Variants in KLF15 observed in about 807,000 individuals in gnomAD.
The protein encoded by KLF15 is Krueppel-like factor 15.
A neutral mutation model predicts 24.6 loss-of-function variants in KLF15; 4 were observed. That is an observed-to-expected ratio of 0.16 (90% CI 0.08 to 0.37). The LOEUF (loss-of-function observed/expected upper bound fraction) is 0.37. Among genes scored for constraint, KLF15 ranks in the 10% least tolerant of loss-of-function variants. KLF15 has a pLI of 1.00. For synonymous variants in KLF15, 246 were observed against 236.3 expected (o/e 1.04, Z -0.37); for missense variants, 496 against 560.6 (o/e 0.88, Z 1.16).
chr3:126,297,259 A>C, the KLF15 span, among the ~76,000 whole-genome samples: 2 of 152,130 alleles, frequency 1.3e-5, no homozygotes, highest in Non-Finnish European at 2.9e-5. Context: ...TTTATGCTTA[A>C]GTAATGAATC....
the KLF15 span, among the ~76,000 whole-genome samples, chr3:126,327,660 C>G: frequency 6.6e-6 from 1 of 152,176 alleles, no homozygotes; most frequent in African/African-American, 2.4e-5. Flanking sequence ...GATGCTGACA[C>G]CTGCATTCCA....
At chr3:126,333,810 C>A in the KLF15 span, among the ~76,000 whole-genome samples, 1 of 138,474 alleles carries the variant, frequency 7.2e-6, no homozygotes, top group Admixed American at 7.2e-5. Flanking sequence ...CAACAAAGAT[C>A]AAAAGAGACA....
At chr3:126,298,134 T>C in the KLF15 span, among the ~76,000 whole-genome samples, 1 of 152,132 alleles carries the variant, frequency 6.6e-6, no homozygotes, top group African/African-American at 2.4e-5. Context: ...TTTTTAATTA[T>C]GGTCATTTTT....
the KLF15 span, among the ~76,000 whole-genome samples, chr3:126,311,182 C>G: frequency 6.6e-6 from 1 of 152,210 alleles, no homozygotes; most frequent in African/African-American, 2.4e-5. Flanking sequence ...TTCCAGCCAC[C>G]ACAGCTGCTC....
downstream of KLF15, among the ~76,000 whole-genome samples, chr3:126,342,138 C>T (rs1178264159): frequency 6.6e-6 from 1 of 152,182 alleles, no homozygotes; most frequent in Non-Finnish European, 1.5e-5. Flanking sequence ...CTCCGAGTCT[C>T]ACCTCTGCCT....
chr3:126,308,011 G>C, the KLF15 span, among the ~76,000 whole-genome samples: 5 of 152,206 alleles, frequency 3.3e-5, no homozygotes, highest in African/African-American at 4.8e-5. Flanking sequence ...GCTGGGCAGA[G>C]AGCCAGCGTC....
intron 2 of KLF15, 131 bp from the exon 3 acceptor site, chr3:126,344,026 T>G: frequency 1.1e-6 from 1 of 869,978 alleles, no homozygotes. Context: ...ACCTGCAGCC[T>G]CTACAGGATT....
the KLF15 span, among the ~76,000 whole-genome samples, chr3:126,301,610 C>CTTTTTTTTT: frequency 7.6e-6 from 1 of 132,284 alleles, no homozygotes; most frequent in Admixed American, 8.3e-5. Context: ...TTTTCTTTTT[C>CTTTTTTTTT]TTTTTTTTTT....
chr3:126,307,540 C>G, the KLF15 span, among the ~76,000 whole-genome samples: 1 of 152,156 alleles, frequency 6.6e-6, no homozygotes, highest in African/African-American at 2.4e-5. Flanking sequence ...GCTAATGACC[C>G]CCGACACAGC....
the KLF15 span, among the ~76,000 whole-genome samples, chr3:126,301,706 C>A: frequency 6.6e-6 from 1 of 151,420 alleles, no homozygotes; most frequent in East Asian, 1.9e-4. Flanking sequence ...CCTCTGCCCC[C>A]GGGGTTCAAG....
the KLF15 span, among the ~76,000 whole-genome samples, chr3:126,298,003 T>C: frequency 1.3e-5 from 2 of 152,216 alleles, no homozygotes; most frequent in Admixed American, 1.3e-4. Context: ...GTTCTACTTT[T>C]AGTTCTTTAA....
the KLF15 span, among the ~76,000 whole-genome samples, chr3:126,335,059 C>T: frequency 1.7e-3 from 108 of 62,186 alleles, 2 homozygotes; most frequent in East Asian, 0.023. Context: ...GGGAATCCTC[C>T]CTAACTCATT....
At chr3:126,309,548 G>A in the KLF15 span, among the ~76,000 whole-genome samples, 4 of 152,348 alleles carry the variant, frequency 2.6e-5, no homozygotes, top group East Asian at 7.7e-4. Context: ...GTCCCCAGAG[G>A]TGTTTATTAA....
At chr3:126,302,688 T>C in the KLF15 span, among the ~76,000 whole-genome samples, 1 of 152,192 alleles carries the variant, frequency 6.6e-6, no homozygotes, top group African/African-American at 2.4e-5. Context: ...AAATTTACTT[T>C]GTCTGATATT....
chr3:126,290,297 C>G, the KLF15 span, among the ~76,000 whole-genome samples: 1 of 152,212 alleles, frequency 6.6e-6, no homozygotes, highest in Non-Finnish European at 1.5e-5. Flanking sequence ...ACAGGGAAAG[C>G]ACAGGGATGC....
the KLF15 span, among the ~76,000 whole-genome samples, chr3:126,299,832 C>T: frequency 4.6e-5 from 7 of 150,814 alleles, no homozygotes; most frequent in Middle Eastern, 3.2e-3. Flanking sequence ...AGGGAGAAGG[C>T]GGCCATCTGC....
At chr3:126,297,553 A>G in the KLF15 span, among the ~76,000 whole-genome samples, 2 of 152,124 alleles carry the variant, frequency 1.3e-5, no homozygotes, top group African/African-American at 2.4e-5. Context: ...TGAACCCATC[A>G]CCCAAACAGT....
the KLF15 span, among the ~76,000 whole-genome samples, chr3:126,305,392 C>T: frequency 6.6e-6 from 1 of 152,166 alleles, no homozygotes; most frequent in Admixed American, 6.5e-5. Context: ...GTTCTGACTT[C>T]CTTAGCCTGT....
In KLF15 at chr3:126,343,887, C is replaced by G. The variant is rs755719419; in HGVS notation, c.1091G>C (p.Arg364Pro). 6.3e-7 allele frequency: 1 copy of G among 1,589,518 alleles called. No homozygotes were observed. The highest frequency in any genetic ancestry group is 8.6e-7 in the Non-Finnish European group (1 of 1,168,670). ...CCTGTGCCGCGACAGCTCGTCAGAG[C>G]GCGAGAACCTGCGGGACATGGCGCG... ...TWPGCGWRFSRSDELSRHRRS... is the reference protein window; with the variant it reads ...TWPGCGWRFSPSDELSRHRRS... Residue 364 changes from arginine to proline, a missense_variant, in exon 3 of 3, where the codon CGC becomes CCC. Physicochemically the swap from Arg to Pro is moderately radical, Grantham distance 103 (BLOSUM62 -2). Coordinates refer to ENST00000296233, the MANE Select transcript of KLF15 (RefSeq NM_014079.4).
Sources: gnomAD v4.1 joint callset for allele counts (sites outside exome capture counted in the v4.1 genomes callset) on GRCh38, gnomAD v4.1.1 for gene constraint, MANE v1.5 for transcripts, NCBI Gene and HGNC (gene_info 2026-07-23, HGNC 2026-07-21) for gene names.